The following RAB31 variants were observed in gnomAD, a reference collection of about 807,000 sequenced individuals.
RAB31 encodes RAB31, member RAS oncogene family, also known as ras-related protein Rab-31.
In RAB31, 21 loss-of-function variants were observed where a neutral mutation model predicts 25.6. The ratio of observed to expected loss-of-function variants is 0.82; its 90% CI spans 0.58 to 1.18. The LOEUF is 1.18. RAB31 is among the 50% of genes most tolerant of loss of function. The probability of loss-of-function intolerance (pLI) is 0.00; values close to 1 mark genes in which losing one functional copy is unlikely to be tolerated. For synonymous variants in RAB31, 87 were observed against 84.0 expected, an observed-to-expected ratio of 1.04 and a Z score of -0.20; for missense variants, 196 against 250.1, an observed-to-expected ratio of 0.78 and a Z score of 1.46.
At chr18:9,762,061 G>A (rs769849235) in intron 1 of RAB31, among the ~76,000 whole-genome samples, 1 of 152,090 alleles carries the variant, frequency 6.6e-6, no homozygotes, top group Non-Finnish European at 1.5e-5. Context: ...ACCTGCCTCG[G>A]CCTCCCAAAG....
chr18:9,721,584 C>T (rs2068073923), intron 1 of RAB31, among the ~76,000 whole-genome samples: 2 of 150,640 alleles, frequency 1.3e-5, no homozygotes, highest in Middle Eastern at 3.2e-3. Context: ...CCACTGCACT[C>T]CAACCTGGCT....
At chr18:9,730,251 CTT>C (rs898164979) in intron 1 of RAB31, among the ~76,000 whole-genome samples, 14 of 149,556 alleles carry the variant, frequency 9.4e-5, no homozygotes, top group Admixed American at 2.0e-4. Flanking sequence ...CATTTAGTGT[CTT>C]AGTATTTTAC....
chr18:9,780,349 T>G (rs1292120843), intron 2 of RAB31, among the ~76,000 whole-genome samples: 1 of 152,104 alleles, frequency 6.6e-6, no homozygotes, highest in Admixed American at 6.5e-5. Flanking sequence ...GTTGAAAGTA[T>G]TTTTTCTGAT....
chr18:9,841,556 A>AAT (rs1225169896), intron 5 of RAB31, among the ~76,000 whole-genome samples: 1 of 150,074 alleles, frequency 6.7e-6, no homozygotes, highest in Non-Finnish European at 1.5e-5. Context: ...AAAAAAAAAA[A>AAT]AAATCTCAAT....
In RAB31 at chr18:9,708,572, C is replaced by A; in HGVS notation, c.39+128C>A. On this transcript the variant is annotated intron_variant, in intron 1 of 6. Transcript: ENST00000578921. The surrounding 1 kb of genome is among the most constrained non-coding windows in gnomAD (Gnocchi z 6.4). ...CCGCACCCCTCTCGTAGCCCCCGTC[C>A]CCCTCGTCCGCGCGCCCCCTGGTTC... 1 of 837,738 alleles carries A rather than the reference C, an allele frequency of 1.2e-6. No individual in the cohort carries two copies. Among genetic ancestry groups the A allele is most frequent in the South Asian group, 2.4e-5 (1 of 41,472 alleles). 51.9% of individuals were successfully genotyped at this position (837,738 alleles called of 1,614,324 possible).
At chr18:9,795,688 G>T (rs1170421631) in intron 3 of RAB31, among the ~76,000 whole-genome samples, 1 of 152,030 alleles carries the variant, frequency 6.6e-6, no homozygotes, top group African/African-American at 2.4e-5. Flanking sequence ...ATATGATACG[G>T]CCTTACTCTT....
At chr18:9,744,248 G>T (rs578245279) in intron 1 of RAB31, among the ~76,000 whole-genome samples, 17 of 152,218 alleles carry the variant, frequency 1.1e-4, no homozygotes, top group Non-Finnish European at 2.4e-4. Context: ...TCATACCTCC[G>T]TAAGTTGTAG....
intron 5 of RAB31, among the ~76,000 whole-genome samples, chr18:9,836,905 G>A (rs2068708177): frequency 6.8e-6 from 1 of 146,970 alleles, no homozygotes; most frequent in Non-Finnish European, 1.5e-5. Context: ...CAGCATGTGA[G>A]GAACCGAGTG....
At chr18:9,854,598 G>A (rs144995364) in intron 6 of RAB31, among the ~76,000 whole-genome samples, 4 of 152,190 alleles carry the variant, frequency 2.6e-5, no homozygotes, top group South Asian at 2.1e-4. Context: ...AATCCATTCC[G>A]GTCCTTTATA....
At chr18:9,799,650 G>A (rs1442808461) in intron 3 of RAB31, among the ~76,000 whole-genome samples, 4 of 152,098 alleles carry the variant, frequency 2.6e-5, no homozygotes, top group Admixed American at 6.6e-5. Context: ...GTGCGCCACC[G>A]TGCCCAGCCT....
chr18:9,709,872 C>T (rs2068007568), intron 1 of RAB31, among the ~76,000 whole-genome samples: 2 of 152,176 alleles, frequency 1.3e-5, no homozygotes, highest in South Asian at 4.1e-4. Context: ...CCCATGCTTC[C>T]CTCTTGAGGG....
chr18:9,778,506 T>C (rs2068385251), intron 2 of RAB31, among the ~76,000 whole-genome samples: 1 of 152,250 alleles, frequency 6.6e-6, no homozygotes, highest in South Asian at 2.1e-4. Context: ...AGTCTTGCTC[T>C]GTCACCTAGG....
chr18:9,822,283 T>G (rs7244903), intron 5 of RAB31, among the ~76,000 whole-genome samples: 12,474 of 152,182 alleles, frequency 0.082, 793 homozygotes, highest in East Asian at 0.36. Flanking sequence ...AAAACAAACC[T>G]CAACCTTATA....
intron 3 of RAB31, among the ~76,000 whole-genome samples, chr18:9,798,111 C>T (rs962715093): frequency 1.3e-5 from 2 of 152,196 alleles, no homozygotes; most frequent in African/African-American, 4.8e-5. Flanking sequence ...GGCATGACTC[C>T]ACAGTAGGGA....
chr18:9,838,941 C>T (rs1232447103), intron 5 of RAB31, among the ~76,000 whole-genome samples: 1 of 152,338 alleles, frequency 6.6e-6, no homozygotes, highest in Non-Finnish European at 1.5e-5. Flanking sequence ...TCCTCCACTA[C>T]CCACTCCTCC....
chr18:9,717,038 C>T (rs1044913365), intron 1 of RAB31, among the ~76,000 whole-genome samples: 2 of 151,838 alleles, frequency 1.3e-5, no homozygotes, highest in African/African-American at 4.8e-5. Flanking sequence ...ATTGGGATTA[C>T]AGGTGTGAGT....
rs1480345810 is a variant in RAB31 at position 9,766,741 on chromosome 18, C to T, written c.40-8537C>T. ...AGGCTGAGGTGGGGATCGCTTGAGGCCAGGAGTTTGAGACCAGCCTGGGCA... is the reference window on the plus strand; with the variant it reads ...AGGCTGAGGTGGGGATCGCTTGAGGTCAGGAGTTTGAGACCAGCCTGGGCA... On this transcript the variant is annotated intron_variant, in intron 1 of 6. Coordinates refer to ENST00000578921, the MANE Select transcript of RAB31 (RefSeq NM_006868.4). The surrounding 1 kb of genome is among the most constrained non-coding windows in gnomAD (Gnocchi z 4.3). 2.0e-5 allele frequency among the ~76,000 whole-genome samples: 3 copies of T among 151,960 alleles called. No individual in the cohort carries two copies. Among genetic ancestry groups the T allele is most frequent in the African/African-American group, 4.8e-5 (2 of 41,368 alleles).
intron 1 of RAB31, among the ~76,000 whole-genome samples, chr18:9,755,414 G>C (rs8093221): frequency 0.46 from 69,587 of 152,066 alleles, 16,109 homozygotes; most frequent in South Asian, 0.51. Flanking sequence ...CAGGAGCTTC[G>C]TACTCTCTAG....
intron 3 of RAB31, among the ~76,000 whole-genome samples, chr18:9,807,466 A>G (rs1305824635): frequency 6.6e-6 from 1 of 152,136 alleles, no homozygotes; most frequent in African/African-American, 2.4e-5. Context: ...ATGCGAATAG[A>G]CATACCTAGG....
Sources: allele counts gnomAD v4.1 joint callset (sites outside exome capture counted in the v4.1 genomes callset), GRCh38; gene constraint gnomAD v4.1.1; non-coding constraint Gnocchi (gnomAD v3.1); transcripts MANE v1.5; gene names NCBI Gene and HGNC (gene_info 2026-07-23, HGNC 2026-07-21).